Variants in NMNAT3 observed in about 807,000 individuals in gnomAD.
NMNAT3 encodes the protein nicotinamide/nicotinic acid mononucleotide adenylyltransferase 3.
NMNAT3 carries 21 observed loss-of-function variants against 24.8 expected under a neutral mutation model. The observed-to-expected ratio is 0.85, with a 90% confidence interval of 0.60 to 1.22. The LOEUF (loss-of-function observed/expected upper bound fraction) is 1.22. NMNAT3 is among the 50% of genes most tolerant of loss of function. NMNAT3 has a pLI of 0.00. For missense variants in NMNAT3, 387 were observed against 436.6 expected (o/e 0.89, Z 1.01); for synonymous variants, 136 against 155.2 (o/e 0.88, Z 0.92).
At chr3:139,603,937 C>T (rs1174439774) in intron 3 of NMNAT3, among the ~76,000 whole-genome samples, 2 of 152,202 alleles carry the variant, frequency 1.3e-5, no homozygotes, top group East Asian at 3.9e-4. Context: ...AAAGGTTGGT[C>T]ACTAGATATA....
At chr3:139,574,162 G>A (rs1938916675) in intron 5 of NMNAT3, among the ~76,000 whole-genome samples, 1 of 152,228 alleles carries the variant, frequency 6.6e-6, no homozygotes, top group African/African-American at 2.4e-5. Flanking sequence ...CTAGCTCCCA[G>A]AAAAGCTGCC....
At chr3:139,586,781 A>G (rs975603166) in intron 3 of NMNAT3, among the ~76,000 whole-genome samples, 5 of 152,228 alleles carry the variant, frequency 3.3e-5, no homozygotes, top group African/African-American at 1.2e-4. Context: ...CAGTTTCACT[A>G]AAGCCCACAG....
At chr3:139,597,321 G>T (rs1183042228) in intron 3 of NMNAT3, among the ~76,000 whole-genome samples, 1 of 151,984 alleles carries the variant, frequency 6.6e-6, no homozygotes, top group Non-Finnish European at 1.5e-5. Context: ...AAATCCCCAA[G>T]TAGGTGCTGG....
At chr3:139,672,202 C>T (rs1273020398) in intron 1 of NMNAT3, among the ~76,000 whole-genome samples, 11 of 152,200 alleles carry the variant, frequency 7.2e-5, no homozygotes. Context: ...AATATGCTAA[C>T]TCTGCTTCTG....
At chr3:139,666,554 C>T (rs10935340) in intron 1 of NMNAT3, among the ~76,000 whole-genome samples, 24,611 of 152,200 alleles carry the variant, frequency 0.16, 2,550 homozygotes, top group East Asian at 0.32. Flanking sequence ...ATGAAGAAAT[C>T]CATAACCTCA....
At chr3:139,651,804 T>C (rs1206401265) in intron 1 of NMNAT3, among the ~76,000 whole-genome samples, 1 of 152,128 alleles carries the variant, frequency 6.6e-6, no homozygotes, top group Non-Finnish European at 1.5e-5. Context: ...CTTAATGGCC[T>C]ATTAAAGCTT....
chr3:139,578,771 C>A, intron 5 of NMNAT3, 101 bp downstream of exon 5: 1 of 1,070,906 alleles, frequency 9.3e-7, no homozygotes, highest in Non-Finnish European at 1.3e-6. Context: ...GAAGGTCTGG[C>A]AGAAACCCAG....
intron 1 of NMNAT3, among the ~76,000 whole-genome samples, chr3:139,650,270 A>G (rs1276272608): frequency 2.0e-5 from 3 of 152,230 alleles, no homozygotes; most frequent in African/African-American, 7.2e-5. Context: ...TTGACATTTT[A>G]TGACTCCTTA....
At position 139,677,851 on chromosome 3, in the gene NMNAT3, GA is replaced by G. The variant is rs2057984786; in HGVS notation, c.-288del. 6.6e-6 allele frequency: 1 copy of G among 152,258 alleles called. No individual in the cohort carries two copies. The highest frequency in any genetic ancestry group is 1.5e-5 in the Non-Finnish European group (1 of 68,090). 9.4% of individuals were successfully genotyped at this position (152,258 alleles called of 1,614,324 possible). On this transcript the variant is annotated 5_prime_UTR_variant, in exon 1 of 7. Coordinates refer to ENST00000643695, the MANE Select transcript of NMNAT3 (RefSeq NM_001320510.2). ...AGAGGGAAACGACGTTTGGTCTCGGGACTCAAGGCTGCCTCCGGCCCGGGCA... is the reference window on the plus strand; with the variant it reads ...AGAGGGAAACGACGTTTGGTCTCGGGCTCAAGGCTGCCTCCGGCCCGGGCA...
At chr3:139,566,757 T>G (rs2108007635) in intron 6 of NMNAT3, 1 of 152,338 alleles carries the variant, frequency 6.6e-6, no homozygotes, top group African/African-American at 2.4e-5. Context: ...GCTGTTTTGG[T>G]TACTGTAGCC....
chr3:139,583,506 T>G, intron 3 of NMNAT3: 1 of 1,561,928 alleles, frequency 6.4e-7, no homozygotes, highest in African/African-American at 1.4e-5. Flanking sequence ...TCTGAAGCTA[T>G]GGAAGTAGTT....
chr3:139,637,831 C>CTA (rs1212220203), intron 2 of NMNAT3, 132 bp downstream of exon 2: 1 of 152,192 alleles, frequency 6.6e-6, no homozygotes, highest in African/African-American at 2.4e-5. Context: ...GTATAGTTGT[C>CTA]TATATATAAA....
At chr3:139,604,552 A>G (rs59162762) in intron 3 of NMNAT3, among the ~76,000 whole-genome samples, 390 of 152,328 alleles carry the variant, frequency 2.6e-3, no homozygotes, top group African/African-American at 8.5e-3. Context: ...CTAATGAACA[A>G]ACTGTGGCAT....
intron 2 of NMNAT3, chr3:139,637,759 G>A (rs2056554433): frequency 6.6e-6 from 1 of 152,124 alleles, no homozygotes; most frequent in Non-Finnish European, 1.5e-5. Flanking sequence ...CTCCTGTAGA[G>A]CTTCCTGCAA....
chr3:139,604,739 T>C (rs11925016), intron 3 of NMNAT3, among the ~76,000 whole-genome samples: 3,260 of 152,312 alleles, frequency 0.021, 106 homozygotes, highest in African/African-American at 0.072. Context: ...TGTATAAATA[T>C]ATCATCTTGC....
intron 2 of NMNAT3, among the ~76,000 whole-genome samples, chr3:139,633,243 C>T (rs1424993043): frequency 2.0e-5 from 3 of 151,542 alleles, no homozygotes; most frequent in African/African-American, 4.8e-5. Context: ...TGCAATGGCA[C>T]GATCTCAACT....
intron 3 of NMNAT3, among the ~76,000 whole-genome samples, chr3:139,591,663 TGACCCCC>T (rs1361751232): frequency 1.3e-5 from 2 of 152,234 alleles, no homozygotes; most frequent in African/African-American, 4.8e-5. Flanking sequence ...CCCTGACCCC[TGACCCCC>T]GAGCAGCCTA....
intron 3 of NMNAT3, among the ~76,000 whole-genome samples, chr3:139,587,221 C>T (rs2053973745): frequency 2.0e-5 from 3 of 152,188 alleles, no homozygotes; most frequent in Non-Finnish European, 2.9e-5. Context: ...TTCTAAGTCT[C>T]CTTGAGAGGA....
intron 3 of NMNAT3, among the ~76,000 whole-genome samples, chr3:139,596,158 G>A (rs532186979): frequency 6.6e-6 from 1 of 152,274 alleles, no homozygotes; most frequent in East Asian, 1.9e-4. Flanking sequence ...TTCCAGAAAG[G>A]TCTATCTGTC....
Sources: allele counts gnomAD v4.1 joint callset (sites outside exome capture counted in the v4.1 genomes callset), GRCh38; gene constraint gnomAD v4.1.1; transcripts MANE v1.5; gene names NCBI Gene and HGNC (gene_info 2026-07-23, HGNC 2026-07-21).